Variants in HMGA2 observed in about 807,000 individuals in gnomAD.
HMGA2 encodes high mobility group protein HMGI-C.
Under a neutral mutation model 19.1 loss-of-function variants are expected in HMGA2, and 8 were observed. That is an observed-to-expected ratio of 0.42 (90% CI 0.25 to 0.76). The LOEUF is 0.76. HMGA2 is among the 30% of genes least tolerant of loss of function. HMGA2 has a pLI of 0.28. For missense variants in HMGA2, 109 were observed against 136.3 expected, an observed-to-expected ratio of 0.80 and a Z score of 1.00; for synonymous variants, 60 against 48.8, an observed-to-expected ratio of 1.23 and a Z score of -0.96.
At position 65,892,206 on chromosome 12, in the gene HMGA2, A is replaced by G. The variant is rs533404677; in HGVS notation, c.249+53637A>G. 3.3e-5 allele frequency among the ~76,000 whole-genome samples: 5 copies of G among 152,334 alleles called. No homozygotes were observed. In the South Asian group the frequency reaches 1.0e-3, roughly 32 times the overall value. On this transcript the variant is annotated intron_variant, in intron 3 of 4. Transcript: ENST00000403681. ...TGCTCGTCACATGATTGTGATTCATACTGTACTCTCAAAATGTGGCAGGAG... is the reference window on the plus strand; with the variant it reads ...TGCTCGTCACATGATTGTGATTCATGCTGTACTCTCAAAATGTGGCAGGAG...
chr12:65,912,457 A>G (rs1874886286), intron 3 of HMGA2, among the ~76,000 whole-genome samples: 1 of 152,148 alleles, frequency 6.6e-6, no homozygotes, highest in African/African-American at 2.4e-5. Flanking sequence ...AAGCTTCTAG[A>G]CCTTGCTTCC....
At chr12:65,870,836 T>G (rs565189941) in intron 3 of HMGA2, among the ~76,000 whole-genome samples, 2 of 152,250 alleles carry the variant, frequency 1.3e-5, no homozygotes, top group African/African-American at 4.8e-5. Flanking sequence ...TAGGGTGTAT[T>G]TAGGTAAGAG....
intron 3 of HMGA2, among the ~76,000 whole-genome samples, chr12:65,844,200 T>C (rs184494718): frequency 1.5e-3 from 226 of 152,286 alleles, no homozygotes; most frequent in Non-Finnish European, 2.7e-3. Context: ...GCTAATGGAA[T>C]GTGTGAAGGT....
At chr12:65,866,482 A>T (rs942935396) in intron 3 of HMGA2, among the ~76,000 whole-genome samples, 1 of 152,174 alleles carries the variant, frequency 6.6e-6, no homozygotes, top group Non-Finnish European at 1.5e-5. Context: ...AGCAGATAGG[A>T]CAAGAGGGTT....
At chr12:65,845,419 C>T (rs1871192640) in intron 3 of HMGA2, among the ~76,000 whole-genome samples, 1 of 152,108 alleles carries the variant, frequency 6.6e-6, no homozygotes. Flanking sequence ...TAGTCCCACG[C>T]CACCATGCCT....
intron 3 of HMGA2, among the ~76,000 whole-genome samples, chr12:65,895,280 G>C (rs973141160): frequency 6.6e-6 from 1 of 152,020 alleles, no homozygotes; most frequent in African/African-American, 2.4e-5. Flanking sequence ...ATGAGGAAAG[G>C]TATTACACTT....
At chr12:65,918,248 G>T (rs763942248) in intron 3 of HMGA2, among the ~76,000 whole-genome samples, 1 of 152,218 alleles carries the variant, frequency 6.6e-6, no homozygotes, top group Non-Finnish European at 1.5e-5. Flanking sequence ...TTTCATTTTC[G>T]TAAGAGTACC....
intron 2 of HMGA2, among the ~76,000 whole-genome samples, chr12:65,832,567 T>C (rs1285807061): frequency 6.6e-6 from 1 of 152,026 alleles, no homozygotes; most frequent in Non-Finnish European, 1.5e-5. Context: ...TTCAAACATG[T>C]CTTGTCTTGT....
chr12:65,952,292 A>G, intron 4 of HMGA2: 1 of 1,107,290 alleles, frequency 9.0e-7, no homozygotes. Context: ...TGTAATTTTA[A>G]GTATCCATGA....
intron 4 of HMGA2, chr12:65,952,027 C>T: frequency 5.0e-6 from 1 of 201,418 alleles, no homozygotes; most frequent in East Asian, 1.3e-4. Context: ...ACCTTGTCCT[C>T]ACTATAATCT....
At chr12:65,853,699 T>C (rs1354154390) in intron 3 of HMGA2, among the ~76,000 whole-genome samples, 1 of 152,196 alleles carries the variant, frequency 6.6e-6, no homozygotes, top group Non-Finnish European at 1.5e-5. Context: ...GGCATGAGCC[T>C]GCATCCTCGC....
intron 2 of HMGA2, among the ~76,000 whole-genome samples, chr12:65,831,408 G>GT (rs11414025): frequency 0.3 from 45,731 of 151,148 alleles, 10,245 homozygotes; most frequent in African/African-American, 0.62. Flanking sequence ...ATTTTAGGAA[G>GT]TTTTTTTCTG....
intron 3 of HMGA2, among the ~76,000 whole-genome samples, chr12:65,917,896 T>C (rs1875167312): frequency 6.6e-6 from 1 of 152,264 alleles, no homozygotes; most frequent in African/African-American, 2.4e-5. Flanking sequence ...GCATTTACTT[T>C]ATTCTTGATA....
intron 4 of HMGA2, among the ~76,000 whole-genome samples, chr12:65,960,857 A>G (rs565198203): frequency 1.1e-4 from 17 of 152,200 alleles, no homozygotes; most frequent in African/African-American, 4.1e-4. Context: ...ACCTACCACC[A>G]TTTTCATCTG....
At chr12:65,928,013 A>G (rs1875575713) in intron 3 of HMGA2, among the ~76,000 whole-genome samples, 1 of 150,458 alleles carries the variant, frequency 6.6e-6, no homozygotes, top group South Asian at 2.1e-4. Context: ...ATAAAGATAT[A>G]TATTCAATCA....
intron 2 of HMGA2, among the ~76,000 whole-genome samples, chr12:65,838,025 CT>C (rs1439326107): frequency 6.6e-6 from 1 of 152,038 alleles, no homozygotes; most frequent in African/African-American, 2.4e-5. Flanking sequence ...CACATTTATA[CT>C]TGCTTTTGAC....
At chr12:65,907,554 G>A (rs956255790) in intron 3 of HMGA2, among the ~76,000 whole-genome samples, 3 of 152,080 alleles carry the variant, frequency 2.0e-5, no homozygotes, top group African/African-American at 7.2e-5. Flanking sequence ...TCAGAGAGGA[G>A]TCTATGCCCC....
intron 3 of HMGA2, among the ~76,000 whole-genome samples, chr12:65,940,613 TTCG>T (rs1876059795): frequency 6.6e-6 from 1 of 152,174 alleles, no homozygotes; most frequent in Non-Finnish European, 1.5e-5. Flanking sequence ...ACTGATTTTC[TTCG>T]TAAAAAAAAT....
At chr12:65,912,061 T>C (rs1210342900) in intron 3 of HMGA2, among the ~76,000 whole-genome samples, 1 of 152,144 alleles carries the variant, frequency 6.6e-6, no homozygotes, top group African/African-American at 2.4e-5. Flanking sequence ...CTGATTTAGA[T>C]ACTGTATTAA....
Sources: gnomAD v4.1 joint callset for allele counts (sites outside exome capture counted in the v4.1 genomes callset) on GRCh38, gnomAD v4.1.1 for gene constraint, MANE v1.5 for transcripts, NCBI Gene and HGNC (gene_info 2026-07-23, HGNC 2026-07-21) for gene names.